The following HPSE2 variants were observed in gnomAD, a reference collection of about 807,000 sequenced individuals.
The protein encoded by HPSE2 is inactive heparanase-2.
A neutral mutation model predicts 60.5 loss-of-function variants in HPSE2; 38 were observed. The observed-to-expected ratio is 0.63, with a 90% CI of 0.48 to 0.82. The LOEUF (loss-of-function observed/expected upper bound fraction) is 0.82, where lower values mean the gene tolerates loss of function less well. Ranked by LOEUF, HPSE2 falls within the 40% of genes least tolerant of loss-of-function variation. The probability of loss-of-function intolerance (pLI) is 0.00; values close to 1 mark genes in which losing one functional copy is unlikely to be tolerated. For missense variants in HPSE2, 713 were observed against 740.4 expected, an observed-to-expected ratio of 0.96 and a Z score of 0.43; for synonymous variants, 295 against 293.2, an observed-to-expected ratio of 1.01 and a Z score of -0.06.
At chr10:99,083,318 C>G (rs775718472) in intron 3 of HPSE2, among the ~76,000 whole-genome samples, 1 of 152,176 alleles carries the variant, frequency 6.6e-6, no homozygotes, top group Admixed American at 6.5e-5. Context: ...ACTCTATAGA[C>G]TTTCATGAAA....
At chr10:98,522,449 C>A (rs1816566258) in intron 9 of HPSE2, among the ~76,000 whole-genome samples, 1 of 151,830 alleles carries the variant, frequency 6.6e-6, no homozygotes, top group African/African-American at 2.4e-5. Flanking sequence ...GGAATAAGGC[C>A]ATCTCTGTCA....
chr10:98,957,525 G>A (rs1450712333), intron 3 of HPSE2, among the ~76,000 whole-genome samples: 1 of 152,120 alleles, frequency 6.6e-6, no homozygotes, highest in South Asian at 2.1e-4. Flanking sequence ...CCTTGAAAGG[G>A]CCATGCCCAT....
chr10:98,893,313 C>T (rs1285796797), intron 3 of HPSE2, among the ~76,000 whole-genome samples: 2 of 152,082 alleles, frequency 1.3e-5, no homozygotes, highest in Non-Finnish European at 2.9e-5. Flanking sequence ...ATGATATGGC[C>T]GCCTCAGCCT....
At chr10:99,229,137 G>T (rs1194764370) in intron 2 of HPSE2, among the ~76,000 whole-genome samples, 2 of 151,052 alleles carry the variant, frequency 1.3e-5, no homozygotes, top group Non-Finnish European at 2.9e-5. Context: ...TAATGCCACT[G>T]CCCTCTAGCC....
chr10:99,242,100 AC>A, the HPSE2 span, among the ~76,000 whole-genome samples: 1 of 152,224 alleles, frequency 6.6e-6, no homozygotes, highest in Admixed American at 6.5e-5. Flanking sequence ...AAAGGACAGT[AC>A]AAGAGAACCC....
intron 3 of HPSE2, among the ~76,000 whole-genome samples, chr10:98,889,285 C>T (rs1395025528): frequency 1.3e-5 from 2 of 152,048 alleles, no homozygotes; most frequent in Admixed American, 6.6e-5. Context: ...ATGGCTCAAG[C>T]GATCCTCCTA....
At chr10:99,146,570 C>T (rs907062632) in intron 2 of HPSE2, among the ~76,000 whole-genome samples, 2 of 152,108 alleles carry the variant, frequency 1.3e-5, no homozygotes, top group African/African-American at 4.8e-5. Flanking sequence ...AGTTAAGAAG[C>T]AAGAGTAGGG....
At chr10:98,493,941 G>A (rs1941745379) in intron 9 of HPSE2, among the ~76,000 whole-genome samples, 1 of 151,766 alleles carries the variant, frequency 6.6e-6, no homozygotes, top group South Asian at 2.1e-4. Flanking sequence ...ATTACCTTTT[G>A]TGCATATTCT....
At chr10:99,101,515 C>T (rs1843985832) in intron 3 of HPSE2, among the ~76,000 whole-genome samples, 1 of 152,172 alleles carries the variant, frequency 6.6e-6, no homozygotes. Flanking sequence ...TACAAAGAGA[C>T]TTAGACTCCC....
intron 3 of HPSE2, among the ~76,000 whole-genome samples, chr10:98,840,617 G>A (rs976658722): frequency 2.0e-5 from 3 of 152,226 alleles, no homozygotes; most frequent in Non-Finnish European, 4.4e-5. Flanking sequence ...GACAAAAAAT[G>A]AGGAGGGATT....
At chr10:98,705,704 A>G (rs925158083) in intron 5 of HPSE2, among the ~76,000 whole-genome samples, 21 of 152,152 alleles carry the variant, frequency 1.4e-4, no homozygotes, top group African/African-American at 5.1e-4. Flanking sequence ...GAGCTGAACA[A>G]TGAGAACACA....
chr10:98,635,838 T>C (rs1397223178), intron 7 of HPSE2, among the ~76,000 whole-genome samples: 3 of 151,024 alleles, frequency 2.0e-5, no homozygotes. Context: ...CGGAATACTA[T>C]TGAGCCATAA....
chr10:98,688,493 T>TTTTTTTTTTTTTTTTTTG (rs1947986204), intron 6 of HPSE2, among the ~76,000 whole-genome samples: 1 of 143,840 alleles, frequency 7.0e-6, no homozygotes, highest in Non-Finnish European at 1.5e-5. Flanking sequence ...TTTTTTTTTT[T>TTTTTTTTTTTTTTTTTTG]GAGGCAGAAT....
At chr10:98,518,059 G>A (rs1942661644) in intron 9 of HPSE2, among the ~76,000 whole-genome samples, 2 of 152,208 alleles carry the variant, frequency 1.3e-5, no homozygotes, top group South Asian at 4.1e-4. Flanking sequence ...ATGGTGAGAA[G>A]AGGTAACACT....
chr10:99,305,979 GCACACACACACACA>G, the HPSE2 span, among the ~76,000 whole-genome samples: 2 of 80,580 alleles, frequency 2.5e-5, no homozygotes, highest in Admixed American at 2.4e-4. Context: ...GCGCGCGCGC[GCACACACACACACA>G]CACACACACA....
intron 3 of HPSE2, among the ~76,000 whole-genome samples, chr10:99,069,191 A>G (rs1157548435): frequency 1.3e-5 from 2 of 152,196 alleles, no homozygotes; most frequent in African/African-American, 2.4e-5. Context: ...GCTGGTTCTC[A>G]TAAGTCTGAG....
chr10:99,118,290 A>G (rs1238763441), intron 3 of HPSE2, among the ~76,000 whole-genome samples: 5 of 151,738 alleles, frequency 3.3e-5, no homozygotes, highest in African/African-American at 1.2e-4. Context: ...TTGGGAGGCC[A>G]AGGTGGGTGG....
At chr10:98,484,157 A>G (rs1941350590) in intron 10 of HPSE2, among the ~76,000 whole-genome samples, 1 of 152,076 alleles carries the variant, frequency 6.6e-6, no homozygotes, top group African/African-American at 2.4e-5. Context: ...TAAGCTGACC[A>G]TGTCCTTTGC....
intron 3 of HPSE2, among the ~76,000 whole-genome samples, chr10:99,079,104 G>A (rs996008987): frequency 6.6e-6 from 1 of 152,258 alleles, no homozygotes; most frequent in African/African-American, 2.4e-5. Flanking sequence ...AAGCGGCTAT[G>A]AGAGTGTGCT....
Sources: gnomAD v4.1 joint callset for allele counts (sites outside exome capture counted in the v4.1 genomes callset) on GRCh38, gnomAD v4.1.1 for gene constraint, MANE v1.5 for transcripts, NCBI Gene and HGNC (gene_info 2026-07-23, HGNC 2026-07-21) for gene names.